Variants in LMO7 observed in about 807,000 individuals in gnomAD.
The protein encoded by LMO7 is LIM domain 7.
LMO7 carries 120 observed loss-of-function variants against 206.5 expected under a neutral mutation model. That is an observed-to-expected ratio of 0.58 (90% CI 0.50 to 0.68). The LOEUF is 0.68. LMO7 is among the 30% of genes least tolerant of loss of function. The pLI, the probability that LMO7 is intolerant of heterozygous loss-of-function variation, is 0.00. For missense variants in LMO7, 1,959 were observed against 1,957.9 expected (o/e 1.00, Z -0.01); for synonymous variants, 706 against 681.5 (o/e 1.04, Z -0.56).
chr13:75,831,676 A>G (rs1355931951), intron 15 of LMO7, among the ~76,000 whole-genome samples: 2 of 152,132 alleles, frequency 1.3e-5, no homozygotes, highest in Admixed American at 6.5e-5. Flanking sequence ...AAAACAAGGC[A>G]ACCTCACTTT....
chr13:75,851,246 T>A (rs536552064), intron 27 of LMO7, among the ~76,000 whole-genome samples: 2 of 152,330 alleles, frequency 1.3e-5, no homozygotes, highest in Admixed American at 6.5e-5. Context: ...AGTTCTAAGA[T>A]AATACATATT....
At chr13:75,843,217 G>A (rs1327530157) in intron 25 of LMO7, among the ~76,000 whole-genome samples, 1 of 152,198 alleles carries the variant, frequency 6.6e-6, no homozygotes, top group South Asian at 2.1e-4. Flanking sequence ...TCTGCTTTTG[G>A]GGGTTGGCTG....
chr13:75,808,362 T>C (rs868122844), intron 10 of LMO7, among the ~76,000 whole-genome samples, 163 bp downstream of exon 10: 24 of 152,364 alleles, frequency 1.6e-4, no homozygotes, highest in Admixed American at 3.9e-4. Context: ...TCAGTCGTTT[T>C]GTACAAAAAG....
chr13:75,817,557 T>A (rs1486927831), intron 12 of LMO7, among the ~76,000 whole-genome samples: 2 of 152,180 alleles, frequency 1.3e-5, no homozygotes, highest in African/African-American at 2.4e-5. Context: ...ATAGTGAACT[T>A]ACTTACTTGT....
intron 4 of LMO7, among the ~76,000 whole-genome samples, chr13:75,785,377 A>G (rs2052257836): frequency 6.6e-6 from 1 of 152,148 alleles, no homozygotes; most frequent in South Asian, 2.1e-4. Context: ...GCAGTTTCCT[A>G]ATGTCAAAAT....
At chr13:75,784,987 T>A (rs1371398153) in intron 4 of LMO7, among the ~76,000 whole-genome samples, 3 of 152,162 alleles carry the variant, frequency 2.0e-5, no homozygotes, top group Non-Finnish European at 4.4e-5. Flanking sequence ...TTTTAAAAAG[T>A]GCTTTGGCAA....
At chr13:75,646,620 G>C (rs2037043317) in intron 1 of LMO7, among the ~76,000 whole-genome samples, 1 of 145,578 alleles carries the variant, frequency 6.9e-6, no homozygotes, top group South Asian at 2.2e-4. Context: ...TTTCACTCTT[G>C]TTGCCCAAGG....
intron 3 of LMO7, among the ~76,000 whole-genome samples, chr13:75,742,089 A>G (rs968268322): frequency 1.3e-5 from 2 of 152,160 alleles, no homozygotes; most frequent in African/African-American, 2.4e-5. Context: ...CTACAGTCCT[A>G]CCTAGAGCCA....
chr13:75,688,466 G>A (rs563851890), intron 1 of LMO7: 4 of 152,212 alleles, frequency 2.6e-5, no homozygotes, highest in African/African-American at 7.2e-5. Flanking sequence ...AACTTCTGTC[G>A]GTTTTCTGAC....
intron 5 of LMO7, among the ~76,000 whole-genome samples, chr13:75,795,787 G>C (rs991220148): frequency 1.3e-5 from 2 of 152,110 alleles, no homozygotes; most frequent in African/African-American, 4.8e-5. Context: ...ATGGACACAG[G>C]GAGGGGAACA....
intron 11 of LMO7, among the ~76,000 whole-genome samples, chr13:75,816,353 G>A (rs2056988753): frequency 6.6e-6 from 1 of 152,176 alleles, no homozygotes; most frequent in African/African-American, 2.4e-5. Context: ...GTTTAGATCT[G>A]ACCTCTCCCT....
At chr13:75,834,101 T>G (rs1387515596) in intron 16 of LMO7, 125 bp from the exon 17 acceptor site, 21 of 662,684 alleles carry the variant, frequency 3.2e-5, no homozygotes, top group Admixed American at 3.4e-5. Context: ...AATAGTGACC[T>G]CCACCTGAAA....
chr13:75,832,796 A>AATTAAAGT (rs1186192729), intron 15 of LMO7, among the ~76,000 whole-genome samples: 1 of 152,172 alleles, frequency 6.6e-6, no homozygotes, highest in Non-Finnish European at 1.5e-5. Context: ...CGGCCAACTG[A>AATTAAAGT]ATTAAAGTAT....
chr13:75,821,668 G>C (rs763855603), intron 14 of LMO7, 59 bp downstream of exon 14: 4 of 1,248,084 alleles, frequency 3.2e-6, no homozygotes, highest in Non-Finnish European at 4.5e-6. Flanking sequence ...TGGTGAACTT[G>C]TGCAGAGGTT....
In LMO7 at chr13:75,800,980, T is replaced by C. The variant is rs17065064; in HGVS notation, c.661+98T>C. The C allele has an allele frequency of 1.9e-3, 2,178 of 1,118,872 alleles. 34 individuals carry two copies. In the African/African-American group the frequency reaches 0.028, roughly 14 times the overall value. The allele number at this position is 1,118,872 out of a possible 1,614,324, so 69.3% of individuals were successfully genotyped here. A position where few individuals can be genotyped will look rare whatever the true frequency, so the allele number is the denominator to read the frequency against. ...AAATGGAGCAAAAACTAGGCAAAAA[T>C]TTCACTTAGAAGTGGATTTTCATAG... On this transcript the variant is annotated intron_variant, in intron 7 of 30. Transcript: ENST00000377534.
At chr13:75,737,528 C>A (rs867353860) in intron 3 of LMO7, among the ~76,000 whole-genome samples, 3 of 148,104 alleles carry the variant, frequency 2.0e-5, no homozygotes, top group African/African-American at 7.5e-5. Flanking sequence ...CCGAGGCGGG[C>A]GGATCACGAG....
intron 4 of LMO7, among the ~76,000 whole-genome samples, chr13:75,778,984 A>G (rs1276519156): frequency 6.6e-6 from 1 of 152,148 alleles, no homozygotes; most frequent in Non-Finnish European, 1.5e-5. Flanking sequence ...ATGTCATCTG[A>G]GGAAGAAGAA....
intron 2 of LMO7, among the ~76,000 whole-genome samples, chr13:75,630,490 T>C (rs1161606800): frequency 6.6e-6 from 1 of 152,062 alleles, no homozygotes; most frequent in Non-Finnish European, 1.5e-5. Flanking sequence ...CTGGGTAACA[T>C]GATGAAACAC....
intron 24 of LMO7, 134 bp downstream of exon 24, chr13:75,842,117 T>C (rs2059598457): frequency 1.5e-6 from 1 of 659,610 alleles, no homozygotes; most frequent in African/African-American, 1.8e-5. Context: ...AGAGAACCTT[T>C]AAATCATAAA....
Sources: allele counts gnomAD v4.1 joint callset (sites outside exome capture counted in the v4.1 genomes callset), GRCh38; gene constraint gnomAD v4.1.1; transcripts MANE v1.5; gene names NCBI Gene and HGNC (gene_info 2026-07-23, HGNC 2026-07-21).